OR8H2: variants seen among roughly 807,000 people sequenced by gnomAD.
OR8H2 encodes olfactory receptor 8H2.
For synonymous variants in OR8H2, 157 were observed against 139.2 expected (o/e 1.13, Z -0.90); for missense variants, 374 against 371.1 (o/e 1.01, Z -0.06).
Position 56,105,775 on chromosome 11 carries a change from C to A in OR8H2, c.733C>A (p.Leu245Ile). Residue 245 changes from leucine (L) to isoleucine (I), a missense_variant, in exon 2 of 2, where the codon CTC becomes ATC. Transcript: ENST00000313503. ...QKAFSTCVSH[L>I]LGVTIFYSTL... ...AGCTTTCTCTACTTGCGTCTCTCATCTCTTGGGAGTCACCATCTTTTATAG... is the reference window on the plus strand; with the variant it reads ...AGCTTTCTCTACTTGCGTCTCTCATATCTTGGGAGTCACCATCTTTTATAG... The A allele has an allele frequency of 6.2e-7, 1 of 1,613,732 alleles. No homozygotes were observed. Among genetic ancestry groups the A allele is most frequent in the Non-Finnish European group, 8.5e-7 (1 of 1,179,660 alleles).
rs1262975884 is a variant in OR8H2, at chr11:56,106,863, C to A, written c.*882C>A. On this transcript the variant is annotated 3_prime_UTR_variant, in exon 2 of 2. Coordinates refer to ENST00000313503, the MANE Select transcript of OR8H2 (RefSeq NM_001386064.1). ...ATCCTCTACAAATATTGAGTTTTGG[C>A]TGCTCTTGATGTGGGGGTAGCCATT... is the stretch of plus-strand genomic sequence containing the variant. 6 of 151,932 alleles carry A rather than the reference C, an allele frequency of 3.9e-5. No individual in the cohort carries two copies. The highest frequency in any genetic ancestry group is 5.9e-5 in the Non-Finnish European group (4 of 67,844). 9.4% of individuals were successfully genotyped at this position (151,932 alleles called of 1,614,324 possible).
At position 56,103,920 on chromosome 11, in the gene OR8H2, G is replaced by T. The variant is rs1438088051; in HGVS notation, c.-239G>T. On this transcript the variant is annotated 5_prime_UTR_variant, in exon 1 of 2. Coordinates refer to ENST00000313503, the MANE Select transcript of OR8H2 (RefSeq NM_001386064.1). Reference sequence around the variant, plus strand: ...CATATTTTATTTATAACAAAAATTTGAGGTTGACAAATTTCCAGACAGATA... The same window carrying T: ...CATATTTTATTTATAACAAAAATTTTAGGTTGACAAATTTCCAGACAGATA... 6.6e-6 allele frequency: 1 copy of T among 152,034 alleles called. No homozygotes were observed. Among genetic ancestry groups the T allele is most frequent in the African/African-American group, 2.4e-5 (1 of 41,408 alleles). 9.4% of individuals were successfully genotyped at this position (152,034 alleles called of 1,614,324 possible). A position where few individuals can be genotyped will look rare whatever the true frequency, so the allele number is the denominator to read the frequency against.
At position 56,103,849 on chromosome 11, in the gene OR8H2, A is replaced by G. The variant is rs930179116; in HGVS notation, c.-310A>G. ...ATACACCAAAATGTAAAAACAACTT[A>G]TCTCAAGTAAAATAAATATTATAAA... On this transcript the variant is annotated 5_prime_UTR_variant, in exon 1 of 2. Coordinates refer to ENST00000313503, the MANE Select transcript of OR8H2 (RefSeq NM_001386064.1). 6.6e-6 allele frequency: 1 copy of G among 152,126 alleles called. No individual in the cohort carries two copies. The highest frequency in any genetic ancestry group is 2.1e-4 in the South Asian group (1 of 4,832). 9.4% of individuals were successfully genotyped at this position (152,126 alleles called of 1,614,324 possible).
At position 56,106,071 on chromosome 11, in the gene OR8H2, A is replaced by G; in HGVS notation, c.*90A>G. 1.2e-6 allele frequency: 1 copy of G among 864,704 alleles called. No homozygotes were observed. The highest frequency in any genetic ancestry group is 1.8e-6 in the Non-Finnish European group (1 of 556,470). 53.6% of individuals were successfully genotyped at this position (864,704 alleles called of 1,614,324 possible). A position where few individuals can be genotyped will look rare whatever the true frequency, so the allele number is the denominator to read the frequency against. ...TTAGTCTCTCTATAAAAACAATTGA[A>G]TCTTTTAATTTGTTTGCATTTCTGT... On this transcript the variant is annotated 3_prime_UTR_variant, in exon 2 of 2. Transcript: ENST00000313503.
In OR8H2 at chr11:56,107,203, G is replaced by C. The variant is rs1854066493; in HGVS notation, c.*1222G>C. The stretch of plus-strand genomic sequence containing the variant: ...ATCTACATGCAGTGATATCTCTTTT[G>C]CGTGCAAAACTTCAAAAACTGGATT... On this transcript the variant is annotated 3_prime_UTR_variant, in exon 2 of 2. Transcript: ENST00000313503. 1 of 151,808 alleles carries C rather than the reference G, an allele frequency of 6.6e-6. No homozygotes were observed. Among genetic ancestry groups the C allele is most frequent in the South Asian group, 2.1e-4 (1 of 4,830 alleles). The allele number at this position is 151,808 out of a possible 1,614,324, so 9.4% of individuals were successfully genotyped here. A position where few individuals can be genotyped will look rare whatever the true frequency, so the allele number is the denominator to read the frequency against.
Position 56,105,977 on chromosome 11 carries a change from G to A in OR8H2, c.935G>A (p.Arg312Lys), listed in dbSNP as rs763650818. Reference protein sequence around the residue: ...IRVMQRRQDSR With the variant: ...IRVMQRRQDSK The stretch of plus-strand genomic sequence containing the variant: ...GTCATGCAGAGAAGACAGGACTCCA[G>A]GTAATTAATATAGCAGGAATGCTGA... The change falls in exon 2 of 2, where the codon AGG (arginine) becomes AAG (lysine). Residue 312 changes from arginine (R) to lysine (K), a missense_variant. Coordinates refer to ENST00000313503, the MANE Select transcript of OR8H2 (RefSeq NM_001386064.1). The A allele has an allele frequency of 8.5e-6, 13 of 1,531,004 alleles. No homozygotes were observed. Among genetic ancestry groups the A allele is most frequent in the South Asian group, 4.9e-5 (4 of 80,848 alleles). 94.8% of individuals were successfully genotyped at this position (1,531,004 alleles called of 1,614,324 possible). A position where few individuals can be genotyped will look rare whatever the true frequency, so the allele number is the denominator to read the frequency against.
rs1854045256 is a variant in OR8H2 at position 56,105,697 on chromosome 11, GT to G, written c.656del (p.Val219GlyfsTer8). Reference sequence around the variant, plus strand: ...CCTTTTCACAATATCTGCATCCTATGTGTTCATTCTCTTTACCATCCTGAAA... The same window carrying G: ...CCTTTTCACAATATCTGCATCCTATGGTTCATTCTCTTTACCATCCTGAAA... ...VSLFTISASYVFILFTILKIN... is the reference protein window; with the variant it reads ...VSLFTISASYXFILFTILKIN... On this transcript the variant is annotated frameshift_variant, in exon 2 of 2. Transcript: ENST00000313503. LOFTEE classifies it low-confidence loss of function (END_TRUNC). The G allele has an allele frequency of 6.2e-7, 1 of 1,614,078 alleles. No individual in the cohort carries two copies. The highest frequency in any genetic ancestry group is 8.5e-7 in the Non-Finnish European group (1 of 1,179,948).
In OR8H2 at chr11:56,106,118, A is replaced by G. The variant is rs759217950; in HGVS notation, c.*137A>G. 36 of 610,890 alleles carry G rather than the reference A, an allele frequency of 5.9e-5. No individual in the cohort carries two copies. The highest frequency in any genetic ancestry group is 9.4e-5 in the Non-Finnish European group (34 of 361,192). 37.8% of individuals were successfully genotyped at this position (610,890 alleles called of 1,614,324 possible). On this transcript the variant is annotated 3_prime_UTR_variant, in exon 2 of 2. Transcript: ENST00000313503. ...CTGTTGTGCTACCCTTTGCTTCACT[A>G]AACATGATTTTAAACATTTCAAGGC...
chr11:56,106,027 A>G lies in OR8H2; in HGVS notation c.*46A>G, dbSNP rs775175605. On this transcript the variant is annotated 3_prime_UTR_variant, in exon 2 of 2. Transcript: ENST00000313503. Reference sequence around the variant, plus strand: ...AACATTTAAACTCATCTTTTCTTTCATTCCTGTTGGGTATTTTCTTAGTCT... The same window carrying G: ...AACATTTAAACTCATCTTTTCTTTCGTTCCTGTTGGGTATTTTCTTAGTCT... 10 of 1,172,278 alleles carry G rather than the reference A, an allele frequency of 8.5e-6. No individual in the cohort carries two copies. In the Admixed American group the frequency reaches 2.4e-4, roughly 28 times the overall value. The allele number at this position is 1,172,278 out of a possible 1,614,324, so 72.6% of individuals were successfully genotyped here. A position where few individuals can be genotyped will look rare whatever the true frequency, so the allele number is the denominator to read the frequency against.
Position 56,106,095 on chromosome 11 carries a change from GT to G in OR8H2, c.*116del. 1 of 742,434 alleles carries G rather than the reference GT, an allele frequency of 1.3e-6. No individual in the cohort carries two copies. The highest frequency in any genetic ancestry group is 2.2e-6 in the Non-Finnish European group (1 of 455,400). 46.0% of individuals were successfully genotyped at this position (742,434 alleles called of 1,614,324 possible). ...AATCTTTTAATTTGTTTGCATTTCT[GT>G]TGTGCTACCCTTTGCTTCACTAAAC... On this transcript the variant is annotated 3_prime_UTR_variant, in exon 2 of 2. Transcript: ENST00000313503.
chr11:56,103,824 A>C lies in OR8H2; in HGVS notation c.-335A>C, dbSNP rs1377148623. 1 of 152,214 alleles carries C rather than the reference A, an allele frequency of 6.6e-6. No individual in the cohort carries two copies. The highest frequency in any genetic ancestry group is 2.4e-5 in the African/African-American group (1 of 41,460). The allele number at this position is 152,214 out of a possible 1,614,324, so 9.4% of individuals were successfully genotyped here. ...TTTAACTCAGAATAAAACATAATGA[A>C]TACACCAAAATGTAAAAACAACTTA... On this transcript the variant is annotated 5_prime_UTR_variant, in exon 1 of 2. Transcript: ENST00000313503.
In OR8H2 at chr11:56,105,516, C is replaced by T. The variant is rs1211125730; in HGVS notation, c.474C>T (p.Val158=). 2 of 1,614,192 alleles carry T rather than the reference C, an allele frequency of 1.2e-6. No individual in the cohort carries two copies. The highest frequency in any genetic ancestry group is 1.7e-5 in the Admixed American group (1 of 60,022). ...PYVIGFIDSF[V]NVVSMSRLHF... is the part of the protein sequence containing the mutation. ...TGATTGGCTTTATAGACTCCTTTGTCAACGTGGTTTCCATGAGCAGATTGC... is the reference window on the plus strand; with the variant it reads ...TGATTGGCTTTATAGACTCCTTTGTTAACGTGGTTTCCATGAGCAGATTGC... The change falls in exon 2 of 2, where the codon GTC becomes GTT. Residue 158 remains valine, a synonymous_variant. Coordinates refer to ENST00000313503, the MANE Select transcript of OR8H2 (RefSeq NM_001386064.1).
At position 56,107,256 on chromosome 11, in the gene OR8H2, G is replaced by T. The variant is rs1407084662; in HGVS notation, c.*1275G>T. 1 of 151,888 alleles carries T rather than the reference G, an allele frequency of 6.6e-6. No individual in the cohort carries two copies. The highest frequency in any genetic ancestry group is 6.6e-5 in the Admixed American group (1 of 15,244). 9.4% of individuals were successfully genotyped at this position (151,888 alleles called of 1,614,324 possible). A position where few individuals can be genotyped will look rare whatever the true frequency, so the allele number is the denominator to read the frequency against. On this transcript the variant is annotated 3_prime_UTR_variant, in exon 2 of 2. Coordinates refer to ENST00000313503, the MANE Select transcript of OR8H2 (RefSeq NM_001386064.1). The stretch of plus-strand genomic sequence containing the variant: ...TGTAATGTGTCAAATGTGTCAAATT[G>T]CTTCTTTGTTAAAATCCTGTGTGTT...
In OR8H2 at chr11:56,104,889, A is replaced by G; in HGVS notation, c.-154A>G. ...TGAGTCAGAGTCTGGCACAGTCGCC[A>G]GGGCTGGAATGCAATGGTGCGATCC... On this transcript the variant is annotated 5_prime_UTR_variant, in exon 2 of 2. Transcript: ENST00000313503. 1.6e-6 allele frequency: 1 copy of G among 630,330 alleles called. No individual in the cohort carries two copies. The highest frequency in any genetic ancestry group is 2.7e-5 in the East Asian group (1 of 37,060). 39.0% of individuals were successfully genotyped at this position (630,330 alleles called of 1,614,324 possible). A position where few individuals can be genotyped will look rare whatever the true frequency, so the allele number is the denominator to read the frequency against.
chr11:56,105,660 C>A lies in OR8H2; in HGVS notation c.618C>A (p.Thr206=). ...EILIFIIVGS[T]LMVSLFTISA... is the part of the protein sequence containing the mutation. The stretch of plus-strand genomic sequence containing the variant: ...TGATATTCATTATTGTTGGTTCCAC[C>A]CTGATGGTGTCCCTTTTCACAATAT... Residue 206 remains threonine, a synonymous_variant, in exon 2 of 2, where the codon ACC becomes ACA. Transcript: ENST00000313503. 1 of 1,614,116 alleles carries A rather than the reference C, an allele frequency of 6.2e-7. No individual in the cohort carries two copies. Among genetic ancestry groups the A allele is most frequent in the Non-Finnish European group, 8.5e-7 (1 of 1,179,968 alleles).
At position 56,105,387 on chromosome 11, in the gene OR8H2, C is replaced by G; in HGVS notation, c.345C>G (p.Leu115=). 2 of 1,614,152 alleles carry G rather than the reference C, an allele frequency of 1.2e-6. No homozygotes were observed. Among genetic ancestry groups the G allele is most frequent in the Non-Finnish European group, 1.7e-6 (2 of 1,180,016 alleles). Residue 115 remains leucine (L), a synonymous_variant, in exon 2 of 2, where the codon CTC becomes CTG. Transcript: ENST00000313503. ...TGGGTACTGCTGAATGTTACCTTCT[C>G]TCCTCAATGGCCCATGATCGCTATG... ...AFLGTAECYL[L]SSMAHDRYAA... is the part of the protein sequence containing the mutation.
intron 1 of OR8H2, among the ~76,000 whole-genome samples, chr11:56,104,400 T>C (rs192970498): frequency 6.0e-4 from 91 of 152,248 alleles, no homozygotes; most frequent in Non-Finnish European, 1.1e-3. Context: ...ATTACATGTC[T>C]AGCTCTTTTC....
rs1404333051 is a variant in OR8H2 at position 56,106,138 on chromosome 11, C to G, written c.*157C>G. On this transcript the variant is annotated 3_prime_UTR_variant, in exon 2 of 2. Coordinates refer to ENST00000313503, the MANE Select transcript of OR8H2 (RefSeq NM_001386064.1). ...TCACTAAACATGATTTTAAACATTT[C>G]AAGGCATATGTTTTTAGAAATCCAA... is the stretch of plus-strand genomic sequence containing the variant. The G allele has an allele frequency of 1.9e-6, 1 of 538,706 alleles. No homozygotes were observed. Among genetic ancestry groups the G allele is most frequent in the Non-Finnish European group, 3.2e-6 (1 of 313,450 alleles). 33.4% of individuals were successfully genotyped at this position (538,706 alleles called of 1,614,324 possible).
chr11:56,104,260 A>G (rs538270300), intron 1 of OR8H2, among the ~76,000 whole-genome samples: 89 of 152,200 alleles, frequency 5.8e-4, no homozygotes, highest in African/African-American at 2.1e-3. Context: ...TAATGCTTAT[A>G]TATTGTCTAT....
Sources: allele counts gnomAD v4.1 joint callset (sites outside exome capture counted in the v4.1 genomes callset), GRCh38; gene constraint gnomAD v4.1.1; transcripts MANE v1.5; gene names NCBI Gene and HGNC (gene_info 2026-07-23, HGNC 2026-07-21).